The following CACNA1H variants were observed in gnomAD, a reference collection of about 807,000 sequenced individuals.
CACNA1H encodes the protein calcium voltage-gated channel subunit alpha1 H, also known as voltage-dependent T-type calcium channel subunit alpha-1H.
Under a neutral mutation model 192.5 loss-of-function variants are expected in CACNA1H, and 149 were observed. That is an observed-to-expected ratio of 0.77 (90% CI 0.68 to 0.89). The LOEUF is 0.89. CACNA1H is among the 40% of genes least tolerant of loss of function. The pLI is 0.00. For missense variants in CACNA1H, 4,257 were observed against 3,423.5 expected, an observed-to-expected ratio of 1.24 and a Z score of -6.08; for synonymous variants, 2,202 against 1,475.2, an observed-to-expected ratio of 1.49 and a Z score of -11.29.
At position 1,195,465 on chromosome 16, in the gene CACNA1H, G is replaced by C; in HGVS notation, c.445G>C (p.Val149Leu). The C allele has an allele frequency of 6.4e-7, 1 of 1,572,242 alleles. No homozygotes were observed. Among genetic ancestry groups the C allele is most frequent in the Non-Finnish European group, 8.6e-7 (1 of 1,158,472 alleles). The change falls in exon 4 of 35, where the codon GTG becomes CTG. Residue 149 changes from valine to leucine, a missense_variant. Coordinates refer to ENST00000348261, the MANE Select transcript of CACNA1H (RefSeq NM_021098.3). Reference protein sequence around the residue: ...FDAFIFAFFAVEMVIKMVALG... With the variant: ...FDAFIFAFFALEMVIKMVALG... The stretch of plus-strand genomic sequence containing the variant: ...CGCCTTCATTTTCGCCTTTTTTGCG[G>C]TGGAGATGGTCATCAAGATGGTGGC...
chr16:1,216,436 T>TG (rs111975358), intron 30 of CACNA1H, among the ~76,000 whole-genome samples: 8,189 of 152,102 alleles, frequency 0.054, 432 homozygotes, highest in African/African-American at 0.13. Flanking sequence ...CTGGGGCTGG[T>TG]GGGTGGCTCA....
chr16:1,206,023 T>C, intron 11 of CACNA1H, 81 bp from the exon 12 acceptor site: 1 of 1,371,028 alleles, frequency 7.3e-7, no homozygotes, highest in South Asian at 1.3e-5. Flanking sequence ...GCTCCCTGGC[T>C]GGTGACCCTG....
At chr16:1,187,079 G>A (rs533224972) in intron 2 of CACNA1H, among the ~76,000 whole-genome samples, 15 of 152,384 alleles carry the variant, frequency 9.8e-5, no homozygotes, top group East Asian at 1.9e-4. Flanking sequence ...GCCCGCGACC[G>A]TCCCCTCCGC....
chr16:1,215,666 CCT>C lies in CACNA1H; in HGVS notation c.5244+77_5244+78del, dbSNP rs145038251. 1.9e-3 allele frequency: 2,321 copies of C among 1,190,998 alleles called. 37 individuals are homozygous for C. The African/African-American group carries it at 0.03, about 16-fold the overall frequency. 73.8% of individuals were successfully genotyped at this position (1,190,998 alleles called of 1,614,324 possible). A position where few individuals can be genotyped will look rare whatever the true frequency, so the allele number is the denominator to read the frequency against. On this transcript the variant is annotated intron_variant, in intron 30 of 34. Transcript: ENST00000348261. ...GTTGCAGGGAGCGCCTCGCCGTCCC[CCT>C]CTCCCCCTCACTCGTTTCTCTGGTC...
intron 5 of CACNA1H, among the ~76,000 whole-genome samples, chr16:1,196,504 G>A (rs184092117): frequency 8.2e-4 from 125 of 152,186 alleles, no homozygotes; most frequent in Middle Eastern, 3.4e-3. Flanking sequence ...AGGACACCTC[G>A]CTCTCCCCAC....
At chr16:1,217,877 G>C (rs753895140) in intron 31 of CACNA1H, 42 bp from the exon 32 acceptor site, 2 of 1,557,496 alleles carry the variant, frequency 1.3e-6, no homozygotes, top group Admixed American at 3.7e-5. Context: ...GCCTCCACCC[G>C]GAGCGGGCTC....
chr16:1,201,247 C>T (rs186335776), intron 8 of CACNA1H, among the ~76,000 whole-genome samples: 4 of 152,108 alleles, frequency 2.6e-5, no homozygotes, highest in Admixed American at 2.6e-4. Context: ...AGCAGACAGA[C>T]GTCCCCAGCT....
At chr16:1,191,980 C>T (rs997850468) in intron 2 of CACNA1H, among the ~76,000 whole-genome samples, 1 of 152,282 alleles carries the variant, frequency 6.6e-6, no homozygotes, top group African/African-American at 2.4e-5. Context: ...TCCATTGTCG[C>T]CAGGCTTAGC....
intron 21 of CACNA1H, 27 bp downstream of exon 21, chr16:1,210,998 G>A (rs779221575): frequency 1.9e-6 from 3 of 1,586,254 alleles, no homozygotes; most frequent in Non-Finnish European, 1.7e-6. Context: ...GGGCTCCCGG[G>A]GCAACCTGGA....
chr16:1,203,173 G>A (rs1230289749), intron 9 of CACNA1H, among the ~76,000 whole-genome samples: 2 of 152,250 alleles, frequency 1.3e-5, no homozygotes, highest in Admixed American at 6.5e-5. Context: ...GACGAGTGTC[G>A]GGCGCATGCT....
At position 1,218,616 on chromosome 16, in the gene CACNA1H, T is replaced by A. The variant is rs746967306; in HGVS notation, c.5852T>A (p.Val1951Glu). 106 of 1,555,946 alleles carry A rather than the reference T, an allele frequency of 6.8e-5. No homozygotes were observed. Among genetic ancestry groups the A allele is most frequent in the Middle Eastern group, 3.4e-4 (2 of 5,938 alleles). The change falls in exon 33 of 35, where the codon GTG becomes GAG. Residue 1951 changes from valine (V) to glutamate (E), a missense_variant. Transcript: ENST00000348261. ...CCCCACCCCCGCCCGCTGCAGGAGGTGGAGATGGAGACCTATGGGGCCGGC... is the reference window on the plus strand; with the variant it reads ...CCCCACCCCCGCCCGCTGCAGGAGGAGGAGATGGAGACCTATGGGGCCGGC... ...SAPHPRPLQE[V>E]EMETYGAGTP...
At chr16:1,199,090 C>G (rs1463277199) in intron 6 of CACNA1H, among the ~76,000 whole-genome samples, 1 of 69,112 alleles carries the variant, frequency 1.4e-5, no homozygotes, top group African/African-American at 5.7e-5. Context: ...CCCACCATGG[C>G]TCTGCCCACC....
chr16:1,166,527 CTCCCTGTA>C (rs1298082194), intron 2 of CACNA1H, among the ~76,000 whole-genome samples: 1 of 152,244 alleles, frequency 6.6e-6, no homozygotes, highest in African/African-American at 2.4e-5. Flanking sequence ...TTCGGTCGTT[CTCCCTGTA>C]TCCTCGCGGT....
chr16:1,210,344 C>A, intron 18 of CACNA1H, 26 bp from the exon 19 acceptor site: 1 of 1,051,208 alleles, frequency 9.5e-7, no homozygotes, highest in Non-Finnish European at 1.4e-6. Context: ...CCCCGCCCCA[C>A]CTCTCACCCG....
At position 1,153,792 on chromosome 16, in the gene CACNA1H, C is replaced by T; in HGVS notation, c.55C>T (p.Pro19Ser). ...GGTCCGGGTGCCCCTGGGCGCGCCG[C>T]CCCCTGGCCCTGCGGCGTTGGTGGG... ...DEVRVPLGAP[P>S]PGPAALVGAS... Residue 19 changes from proline (P) to serine (S), a missense_variant, in exon 2 of 35, where the codon CCC becomes TCC. By Grantham distance (74) the Pro-to-Ser change is moderately conservative. Transcript: ENST00000348261. 4.9e-6 allele frequency: 6 copies of T among 1,234,050 alleles called. No individual in the cohort carries two copies. The highest frequency in any genetic ancestry group is 6.1e-6 in the Non-Finnish European group (6 of 988,878). 76.4% of individuals were successfully genotyped at this position (1,234,050 alleles called of 1,614,324 possible). A position where few individuals can be genotyped will look rare whatever the true frequency, so the allele number is the denominator to read the frequency against.
At position 1,201,846 on chromosome 16, in the gene CACNA1H, C is replaced by T. The variant is rs1967962162; in HGVS notation, c.1396C>T (p.His466Tyr). ...CYEELLKYVGHIFRKVKRRSL... is the reference protein window; with the variant it reads ...CYEELLKYVGYIFRKVKRRSL... ...CGAAGAGCTGCTGAAGTACGTGGGCCACATATTCCGCAAGGTCAAGCGGCG... is the reference window on the plus strand; with the variant it reads ...CGAAGAGCTGCTGAAGTACGTGGGCTACATATTCCGCAAGGTCAAGCGGCG... Residue 466 changes from histidine to tyrosine, a missense_variant, in exon 9 of 35, where the codon CAC becomes TAC. By Grantham distance (83) the His-to-Tyr change is moderately conservative (BLOSUM62 2). Coordinates refer to ENST00000348261, the MANE Select transcript of CACNA1H (RefSeq NM_021098.3). 1.9e-6 allele frequency: 3 copies of T among 1,568,320 alleles called. No individual in the cohort carries two copies. The African/African-American group carries it at 4.1e-5, about 21-fold the overall frequency.
intron 2 of CACNA1H, among the ~76,000 whole-genome samples, chr16:1,184,315 C>A (rs769274234): frequency 2.6e-5 from 4 of 151,050 alleles, no homozygotes; most frequent in Non-Finnish European, 4.4e-5. Flanking sequence ...AGGCAGAGGC[C>A]AGAGGCCGGA....
At position 1,205,055 on chromosome 16, in the gene CACNA1H, C is replaced by T. The variant is rs566851726; in HGVS notation, c.2452-59C>T. 431 of 1,406,432 alleles carry T rather than the reference C, an allele frequency of 3.1e-4. 24 individuals carry two copies. Among genetic ancestry groups the T allele is most frequent in the South Asian group, 2.7e-3 (220 of 80,928 alleles). The allele number at this position is 1,406,432 out of a possible 1,614,324, so 87.1% of individuals were successfully genotyped here. A position where few individuals can be genotyped will look rare whatever the true frequency, so the allele number is the denominator to read the frequency against. On this transcript the variant is annotated intron_variant, in intron 10 of 34. Transcript: ENST00000348261. ...ACGGGTGGGGGCCCCAGATCAGTGC[C>T]GGTGAGGGGTGGGAGCCGCGGGTGC...
Position 1,189,397 on chromosome 16 carries a change from C to CTTTTTTTTTTTTT in CACNA1H, c.300-5550_300-5538dup, listed in dbSNP as rs3990780. Among the ~76,000 whole-genome samples, 2 of 45,036 alleles carry CTTTTTTTTTTTTT rather than the reference C, an allele frequency of 4.4e-5. 1 individual carries two copies. Among genetic ancestry groups the CTTTTTTTTTTTTT allele is most frequent in the Non-Finnish European group, 1.1e-4 (2 of 17,676 alleles). The allele number at this position is 45,036 out of a possible 152,430, so 29.5% of individuals were successfully genotyped here. On this transcript the variant is annotated intron_variant, in intron 2 of 34. Coordinates refer to ENST00000348261, the MANE Select transcript of CACNA1H (RefSeq NM_021098.3). ...CCTGGCAGGTGCCCTGAAGAGTGTCCTTTTTTTTTTTTTTTTTTTTTTTTT... is the reference window on the plus strand; with the variant it reads ...CCTGGCAGGTGCCCTGAAGAGTGTCCTTTTTTTTTTTTTTTTTTTTTTTTTTTTTTTTTTTTTT...
Sources: gnomAD v4.1 joint callset for allele counts (sites outside exome capture counted in the v4.1 genomes callset) on GRCh38, gnomAD v4.1.1 for gene constraint, MANE v1.5 for transcripts, NCBI Gene and HGNC (gene_info 2026-07-23, HGNC 2026-07-21) for gene names.